PLPPR1: variants seen among roughly 807,000 people sequenced by gnomAD.
The protein encoded by PLPPR1 is phospholipid phosphatase related 1.
In PLPPR1, 10 loss-of-function variants were observed where a neutral mutation model predicts 33.1. The ratio of observed to expected loss-of-function variants is 0.30; its 90% CI spans 0.19 to 0.51. PLPPR1 has a LOEUF of 0.51. Ranked by LOEUF, PLPPR1 falls within the 20% of genes least tolerant of loss-of-function variation. The probability of loss-of-function intolerance (pLI) is 0.97; values close to 1 mark genes in which losing one functional copy is unlikely to be tolerated. For missense variants in PLPPR1, 304 were observed against 408.1 expected (o/e 0.74, Z 2.20); for synonymous variants, 151 against 151.0 (o/e 1.00, Z 0.00).
intron 1 of PLPPR1, among the ~76,000 whole-genome samples, chr9:101,144,331 G>A (rs1369463014): frequency 6.6e-6 from 1 of 152,140 alleles, no homozygotes; most frequent in Non-Finnish European, 1.5e-5. Flanking sequence ...ATTAATGGGT[G>A]CAGCACACCA....
intron 2 of PLPPR1, among the ~76,000 whole-genome samples, chr9:101,196,737 T>C (rs1000188229): frequency 3.9e-5 from 6 of 151,966 alleles, no homozygotes; most frequent in East Asian, 1.9e-4. Flanking sequence ...TGGTGGCGGG[T>C]GCCTGTAGTC....
chr9:101,288,391 G>A (rs554230955), intron 4 of PLPPR1, among the ~76,000 whole-genome samples: 11 of 152,220 alleles, frequency 7.2e-5, no homozygotes, highest in African/African-American at 2.6e-4. Context: ...TGGACCTTGG[G>A]AGGATAAGCC....
intron 2 of PLPPR1, among the ~76,000 whole-genome samples, chr9:101,267,429 G>A (rs1329483889): frequency 6.6e-6 from 1 of 152,130 alleles, no homozygotes; most frequent in Non-Finnish European, 1.5e-5. Flanking sequence ...ATAAAGGTTG[G>A]TGATTTACAT....
intron 1 of PLPPR1, among the ~76,000 whole-genome samples, chr9:101,065,363 T>G (rs1830398669): frequency 1.3e-5 from 2 of 152,108 alleles, no homozygotes. Flanking sequence ...AGCACTCACT[T>G]CCTTTCAAAC....
At chr9:101,230,814 T>C (rs781140221) in intron 2 of PLPPR1, among the ~76,000 whole-genome samples, 2 of 139,244 alleles carry the variant, frequency 1.4e-5, no homozygotes, top group Non-Finnish European at 3.0e-5. Context: ...ATCAGACTTT[T>C]AGACATTATT....
intron 5 of PLPPR1, among the ~76,000 whole-genome samples, chr9:101,309,839 T>C (rs985420157): frequency 6.6e-6 from 1 of 152,114 alleles, no homozygotes; most frequent in Non-Finnish European, 1.5e-5. Flanking sequence ...AAGGTTTTCG[T>C]TGGTTTCGGA....
At position 101,065,500 on chromosome 9, in the gene PLPPR1, T is replaced by C. The variant is rs1201539524; in HGVS notation, c.-46+36398T>C. On this transcript the variant is annotated intron_variant, in intron 1 of 7. Coordinates refer to ENST00000374874, the MANE Select transcript of PLPPR1 (RefSeq NM_207299.2). ...CTACATAACAAATTCTCTGTTTTCATTAAGGCATTTTATTTATAACAAATG... is the reference window on the plus strand; with the variant it reads ...CTACATAACAAATTCTCTGTTTTCACTAAGGCATTTTATTTATAACAAATG... Among the ~76,000 whole-genome samples the C allele has an allele frequency of 2.0e-5, 3 of 152,224 alleles. No individual in the cohort carries two copies. The East Asian group carries it at 5.8e-4, about 29-fold the overall frequency.
Position 101,045,376 on chromosome 9 carries a change from T to C in PLPPR1, c.-46+16274T>C, listed in dbSNP as rs955574323. On this transcript the variant is annotated intron_variant, in intron 1 of 7. Transcript: ENST00000374874. ...AATATATTTAAGTATGTATTAAATA[T>C]TTGTGGAATGGGTGAGTGAATGGAA... 2.6e-5 allele frequency among the ~76,000 whole-genome samples: 4 copies of C among 152,294 alleles called. No homozygotes were observed. In the South Asian group the frequency reaches 8.3e-4, roughly 32 times the overall value.
In PLPPR1 at chr9:101,093,714, A is replaced by G. The variant is rs1403960944; in HGVS notation, c.-46+64612A>G. On this transcript the variant is annotated intron_variant, in intron 1 of 7. Coordinates refer to ENST00000374874, the MANE Select transcript of PLPPR1 (RefSeq NM_207299.2). ...CTTCCATCTTCTTTGCTTAAATGAA[A>G]TGGAGATTGTGACTACCTCTTTTCA... is the stretch of plus-strand genomic sequence containing the variant. Among the ~76,000 whole-genome samples, 7 of 152,186 alleles carry G rather than the reference A, an allele frequency of 4.6e-5. No homozygotes were observed. In the East Asian group the frequency reaches 1.2e-3, roughly 25 times the overall value.
intron 1 of PLPPR1, among the ~76,000 whole-genome samples, chr9:101,135,002 A>C (rs1831361949): frequency 6.6e-6 from 1 of 152,158 alleles, no homozygotes; most frequent in Non-Finnish European, 1.5e-5. Context: ...TGATTGAGGC[A>C]TGAAAACTAT....
intron 4 of PLPPR1, among the ~76,000 whole-genome samples, chr9:101,294,323 C>A (rs1250280577): frequency 6.6e-6 from 1 of 151,542 alleles, no homozygotes; most frequent in Non-Finnish European, 1.5e-5. Flanking sequence ...GCTTACCAAC[C>A]AAAAAGAGTC....
intron 3 of PLPPR1, among the ~76,000 whole-genome samples, chr9:101,283,035 C>T (rs2118911812): frequency 6.6e-6 from 1 of 152,268 alleles, no homozygotes; most frequent in Non-Finnish European, 1.5e-5. Flanking sequence ...TGGGATCTCG[C>T]TCTGTTGACC....
chr9:101,126,966 A>G lies in PLPPR1; in HGVS notation c.-45-58484A>G, dbSNP rs535636670. 3.3e-5 allele frequency among the ~76,000 whole-genome samples: 5 copies of G among 152,226 alleles called. No individual in the cohort carries two copies. The East Asian group carries it at 9.7e-4, about 29-fold the overall frequency. On this transcript the variant is annotated intron_variant, in intron 1 of 7. Transcript: ENST00000374874. ...TTAAAATCTCTGCCAATTCTCTCCCATTTATCCAACTCCATAGTCCCTTGC... is the reference window on the plus strand; with the variant it reads ...TTAAAATCTCTGCCAATTCTCTCCCGTTTATCCAACTCCATAGTCCCTTGC...
At chr9:101,108,026 A>C (rs982092342) in intron 1 of PLPPR1, among the ~76,000 whole-genome samples, 5 of 148,404 alleles carry the variant, frequency 3.4e-5, no homozygotes, top group Admixed American at 1.3e-4. Flanking sequence ...GTGCGCGCAC[A>C]CACTGGCCTG....
intron 2 of PLPPR1, among the ~76,000 whole-genome samples, chr9:101,204,580 C>A (rs1398047282): frequency 6.6e-6 from 1 of 152,118 alleles, no homozygotes; most frequent in Non-Finnish European, 1.5e-5. Flanking sequence ...CACGGTTGGG[C>A]TCTTCTGTTA....
intron 1 of PLPPR1, among the ~76,000 whole-genome samples, chr9:101,128,864 T>A (rs1471834614): frequency 6.6e-6 from 1 of 152,180 alleles, no homozygotes; most frequent in East Asian, 1.9e-4. Context: ...TGAAACCCCA[T>A]CTTTTTCCTC....
At chr9:101,092,462 G>A (rs1286292510) in intron 1 of PLPPR1, among the ~76,000 whole-genome samples, 2 of 152,112 alleles carry the variant, frequency 1.3e-5, no homozygotes, top group Non-Finnish European at 2.9e-5. Context: ...TAAATTTGGT[G>A]AATAAGGGTA....
chr9:101,173,575 A>C (rs1053430407), intron 1 of PLPPR1, among the ~76,000 whole-genome samples: 1 of 152,110 alleles, frequency 6.6e-6, no homozygotes, highest in African/African-American at 2.4e-5. Flanking sequence ...GGTAATTTTC[A>C]GATTTCCCTC....
rs7027569 is a variant in PLPPR1 at position 101,294,569 on chromosome 9, C to T, written c.385+8333C>T. ...AAATCCTCAATAAAATACTGGCAAA[C>T]CGAATCCAGCAGCACATCAAAAAGC... On this transcript the variant is annotated intron_variant, in intron 4 of 7. Coordinates refer to ENST00000374874, the MANE Select transcript of PLPPR1 (RefSeq NM_207299.2). Among the ~76,000 whole-genome samples, 1,219 of 151,150 alleles carry T rather than the reference C, an allele frequency of 8.1e-3. 11 individuals are homozygous for T. Among genetic ancestry groups the T allele is most frequent in the African/African-American group, 0.026 (1,086 of 41,022 alleles).
Sources: allele counts gnomAD v4.1 joint callset (sites outside exome capture counted in the v4.1 genomes callset), GRCh38; gene constraint gnomAD v4.1.1; transcripts MANE v1.5; gene names NCBI Gene and HGNC (gene_info 2026-07-23, HGNC 2026-07-21).